Variants in ARHGAP24 observed in about 807,000 individuals in gnomAD.
The protein encoded by ARHGAP24 is Rho GTPase activating protein 24.
Under a neutral mutation model 76.4 loss-of-function variants are expected in ARHGAP24, and 50 were observed. The ratio of observed to expected loss-of-function variants is 0.65; its 90% CI spans 0.52 to 0.83. The LOEUF (loss-of-function observed/expected upper bound fraction) is 0.83, where lower values mean the gene tolerates loss of function less well. Among genes scored for constraint, ARHGAP24 ranks in the 40% least tolerant of loss-of-function variants. The probability of loss-of-function intolerance (pLI) is 0.00; values close to 1 mark genes in which losing one functional copy is unlikely to be tolerated. For missense variants in ARHGAP24, 930 were observed against 914.2 expected, an observed-to-expected ratio of 1.02 and a Z score of -0.22; for synonymous variants, 345 against 323.3, an observed-to-expected ratio of 1.07 and a Z score of -0.72.
chr4:85,514,561 C>A (rs891739953), intron 1 of ARHGAP24, among the ~76,000 whole-genome samples: 13 of 151,970 alleles, frequency 8.6e-5, no homozygotes, highest in Non-Finnish European at 1.8e-4. Context: ...GGAGAAAAGG[C>A]CCCACAGAGA....
At chr4:85,584,193 A>G (rs1368973974) in intron 2 of ARHGAP24, among the ~76,000 whole-genome samples, 2 of 152,160 alleles carry the variant, frequency 1.3e-5, no homozygotes, top group East Asian at 1.9e-4. Flanking sequence ...GAACCAACCC[A>G]GATGTCCAAC....
chr4:85,550,287 A>G (rs770854360), intron 1 of ARHGAP24, among the ~76,000 whole-genome samples: 2 of 152,176 alleles, frequency 1.3e-5, no homozygotes, highest in African/African-American at 2.4e-5. Context: ...ATCCCAGCAC[A>G]TTTATTGAAT....
intron 3 of ARHGAP24, among the ~76,000 whole-genome samples, chr4:85,839,554 G>A (rs1479609068): frequency 2.6e-5 from 4 of 151,912 alleles, no homozygotes; most frequent in East Asian, 3.9e-4. Flanking sequence ...GGGTTCAAGC[G>A]ATTCTCCTGC....
intron 3 of ARHGAP24, among the ~76,000 whole-genome samples, chr4:85,827,467 T>C (rs1729775271): frequency 2.0e-5 from 2 of 99,138 alleles, no homozygotes; most frequent in African/African-American, 1.3e-4. Context: ...TGCCCGTGTG[T>C]GTGTGTGTGT....
At chr4:85,493,868 A>G (rs1723454133) in intron 1 of ARHGAP24, among the ~76,000 whole-genome samples, 4 of 152,350 alleles carry the variant, frequency 2.6e-5, no homozygotes, top group African/African-American at 9.6e-5. Context: ...TTGTTCATCC[A>G]TACTTCTGTG....
chr4:85,708,758 T>A (rs1724410818), intron 2 of ARHGAP24, among the ~76,000 whole-genome samples: 2 of 152,148 alleles, frequency 1.3e-5, no homozygotes, highest in South Asian at 2.1e-4. Context: ...ATTCTTCTGA[T>A]AAAACAGAGC....
intron 2 of ARHGAP24, among the ~76,000 whole-genome samples, chr4:85,678,378 A>G (rs190233144): frequency 1.3e-5 from 2 of 152,326 alleles, no homozygotes; most frequent in Admixed American, 6.5e-5. Context: ...TCTAAAACAA[A>G]CAAACAAGCA....
chr4:85,638,282 T>C (rs1721398823), intron 2 of ARHGAP24, among the ~76,000 whole-genome samples: 1 of 152,168 alleles, frequency 6.6e-6, no homozygotes, highest in South Asian at 2.1e-4. Context: ...ACATGTTATA[T>C]GATACAACTT....
At chr4:85,487,375 ATT>A (rs1295054435) in intron 1 of ARHGAP24, among the ~76,000 whole-genome samples, 4 of 114,712 alleles carry the variant, frequency 3.5e-5, no homozygotes, top group South Asian at 2.3e-4. Context: ...ATAAATATAT[ATT>A]TATATATATT....
chr4:85,835,706 G>A (rs184871006), intron 3 of ARHGAP24, among the ~76,000 whole-genome samples: 63 of 152,178 alleles, frequency 4.1e-4, no homozygotes, highest in Non-Finnish European at 7.1e-4. Flanking sequence ...TGTTTTTTGA[G>A]ATGGAGTCTT....
intron 3 of ARHGAP24, among the ~76,000 whole-genome samples, chr4:85,724,360 C>G (rs560690831): frequency 5.6e-4 from 85 of 152,142 alleles, no homozygotes; most frequent in Admixed American, 3.3e-3. Flanking sequence ...TCCAACAAAA[C>G]TAACAAAAGC....
At chr4:85,729,974 C>T (rs1259914733) in intron 3 of ARHGAP24, among the ~76,000 whole-genome samples, 1 of 152,112 alleles carries the variant, frequency 6.6e-6, no homozygotes, top group Non-Finnish European at 1.5e-5. Context: ...CTGGTGCCAC[C>T]AGAGCCAGAA....
intron 3 of ARHGAP24, among the ~76,000 whole-genome samples, chr4:85,913,374 A>C (rs906092728): frequency 6.6e-6 from 1 of 151,040 alleles, no homozygotes; most frequent in South Asian, 2.1e-4. Flanking sequence ...CATTTTCCCT[A>C]ATCTTGTAGT....
At chr4:85,701,032 C>T in intron 2 of ARHGAP24, among the ~76,000 whole-genome samples, 1 of 152,178 alleles carries the variant, frequency 6.6e-6, no homozygotes, top group East Asian at 1.9e-4. Context: ...AGAAATATTT[C>T]ATTATAAGAA....
intron 3 of ARHGAP24, among the ~76,000 whole-genome samples, chr4:85,899,766 G>A (rs536579688): frequency 6.6e-6 from 1 of 152,274 alleles, no homozygotes; most frequent in African/African-American, 2.4e-5. Context: ...AAGTAATTCA[G>A]GCTGAGCATG....
At chr4:85,518,431 T>C (rs1724600787) in intron 1 of ARHGAP24, among the ~76,000 whole-genome samples, 1 of 152,144 alleles carries the variant, frequency 6.6e-6, no homozygotes, top group African/African-American at 2.4e-5. Flanking sequence ...GTAAGTTCTT[T>C]AGTGGTGATT....
chr4:85,815,108 G>A (rs995071691), intron 3 of ARHGAP24, among the ~76,000 whole-genome samples: 2 of 152,080 alleles, frequency 1.3e-5, no homozygotes, highest in African/African-American at 4.8e-5. Context: ...CCAAGTTCCT[G>A]GGCTGCACAC....
At chr4:85,832,968 A>C (rs150635386) in intron 3 of ARHGAP24, among the ~76,000 whole-genome samples, 26 of 152,210 alleles carry the variant, frequency 1.7e-4, no homozygotes, top group African/African-American at 5.5e-4. Flanking sequence ...AGTGTTCTCT[A>C]TGTGTTTCAG....
At chr4:85,643,807 A>T in intron 2 of ARHGAP24, among the ~76,000 whole-genome samples, 1 of 152,174 alleles carries the variant, frequency 6.6e-6, no homozygotes, top group East Asian at 1.9e-4. Flanking sequence ...TGAATCAATC[A>T]GTGAGAACTC....
Sources: gnomAD v4.1 joint callset for allele counts (sites outside exome capture counted in the v4.1 genomes callset) on GRCh38, gnomAD v4.1.1 for gene constraint, MANE v1.5 for transcripts, NCBI Gene and HGNC (gene_info 2026-07-23, HGNC 2026-07-21) for gene names.